POFUT3: variants seen among roughly 807,000 people sequenced by gnomAD.
The protein encoded by POFUT3 is protein O-fucosyltransferase 3.
chr8:33,363,952 G>A, the POFUT3 span, among the ~76,000 whole-genome samples: 6 of 152,118 alleles, frequency 3.9e-5, no homozygotes, highest in African/African-American at 1.4e-4. Context: ...CCAAAGCCTG[G>A]CAGAGACACA....
the POFUT3 span, among the ~76,000 whole-genome samples, chr8:33,309,651 G>A: frequency 6.6e-6 from 1 of 152,006 alleles, no homozygotes. Context: ...TTCAATTTCT[G>A]TTTCTAGGTA....
the POFUT3 span, among the ~76,000 whole-genome samples, chr8:33,342,821 A>C: frequency 4.1e-4 from 63 of 152,188 alleles, 1 homozygote; most frequent in East Asian, 3.7e-3. Context: ...CCTAAAGAAA[A>C]CTGGCCAGGC....
the POFUT3 span, among the ~76,000 whole-genome samples, chr8:33,429,330 T>A: frequency 6.6e-6 from 1 of 152,058 alleles, no homozygotes; most frequent in South Asian, 2.1e-4. Context: ...ATCACCCCTC[T>A]CCCTGCCAAA....
the POFUT3 span, among the ~76,000 whole-genome samples, chr8:33,418,558 CT>C: frequency 3.5e-3 from 532 of 152,110 alleles, 2 homozygotes; most frequent in African/African-American, 0.012. Flanking sequence ...CCACCTCGGC[CT>C]CTCAAAGTGC....
the POFUT3 span, among the ~76,000 whole-genome samples, chr8:33,406,403 A>T: frequency 6.6e-6 from 1 of 151,938 alleles, no homozygotes; most frequent in African/African-American, 2.4e-5. Context: ...GTAAAGACTG[A>T]TTTTCATTTA....
the POFUT3 span, among the ~76,000 whole-genome samples, chr8:33,398,457 A>G: frequency 6.6e-6 from 1 of 152,230 alleles, no homozygotes; most frequent in Non-Finnish European, 1.5e-5. Flanking sequence ...ATCTCCTAAT[A>G]CATCAAAACA....
the POFUT3 span, chr8:33,453,618 T>A: frequency 1.1e-6 from 1 of 909,070 alleles, no homozygotes; most frequent in Non-Finnish European, 1.7e-6. Flanking sequence ...ATTGCTGCTG[T>A]AACAAATTAC....
chr8:33,415,392 T>C, the POFUT3 span, among the ~76,000 whole-genome samples: 140 of 152,260 alleles, frequency 9.2e-4, no homozygotes, highest in African/African-American at 3.2e-3. Flanking sequence ...GAGAAGCTGC[T>C]TTGGAGGAGA....
the POFUT3 span, among the ~76,000 whole-genome samples, chr8:33,469,179 G>A: frequency 6.6e-6 from 1 of 152,080 alleles, no homozygotes. Flanking sequence ...GGTGGTGCGT[G>A]CCTATAGCCC....
the POFUT3 span, among the ~76,000 whole-genome samples, chr8:33,415,761 T>C: frequency 5.3e-5 from 8 of 152,178 alleles, no homozygotes; most frequent in African/African-American, 1.7e-4. Flanking sequence ...CAGGCTTATG[T>C]TACTCAAACA....
the POFUT3 span, among the ~76,000 whole-genome samples, chr8:33,384,085 T>C: frequency 6.6e-6 from 1 of 152,122 alleles, no homozygotes; most frequent in Non-Finnish European, 1.5e-5. Flanking sequence ...GTATCTGATA[T>C]TGATGCACAC....
chr8:33,417,319 A>G, the POFUT3 span, among the ~76,000 whole-genome samples: 1 of 152,188 alleles, frequency 6.6e-6, no homozygotes. Context: ...TCATTATTTC[A>G]TTATATATTA....
chr8:33,388,170 G>A, the POFUT3 span, among the ~76,000 whole-genome samples: 3 of 152,066 alleles, frequency 2.0e-5, no homozygotes, highest in Non-Finnish European at 4.4e-5. Context: ...TTGCCAGAAA[G>A]AGAAAGAGTA....
At chr8:33,375,635 A>C in the POFUT3 span, among the ~76,000 whole-genome samples, 1 of 152,256 alleles carries the variant, frequency 6.6e-6, no homozygotes, top group Non-Finnish European at 1.5e-5. Flanking sequence ...ATAGTGTACT[A>C]CATGGTTTAT....
At chr8:33,353,879 T>G in the POFUT3 span, among the ~76,000 whole-genome samples, 1 of 152,294 alleles carries the variant, frequency 6.6e-6, no homozygotes, top group Admixed American at 6.5e-5. Context: ...AAATCAAAAC[T>G]AAGACTTTGG....
the POFUT3 span, among the ~76,000 whole-genome samples, chr8:33,379,800 C>T: frequency 7.3e-6 from 1 of 136,076 alleles, no homozygotes; most frequent in South Asian, 2.3e-4. Flanking sequence ...CATACCACTG[C>T]ACTCCAGCCT....
At chr8:33,411,800 A>AT in the POFUT3 span, among the ~76,000 whole-genome samples, 18 of 152,340 alleles carry the variant, frequency 1.2e-4, no homozygotes, top group African/African-American at 4.1e-4. Context: ...AAAAAAAATA[A>AT]AAATAAAAAT....
chr8:33,384,663 T>C, the POFUT3 span, among the ~76,000 whole-genome samples: 1 of 151,814 alleles, frequency 6.6e-6, no homozygotes, highest in East Asian at 1.9e-4. Flanking sequence ...CTACTAAAAA[T>C]ATAAAAAATT....
At chr8:33,412,964 A>T in the POFUT3 span, among the ~76,000 whole-genome samples, 3 of 152,140 alleles carry the variant, frequency 2.0e-5, no homozygotes, top group African/African-American at 7.2e-5. Context: ...GCACCAAGGC[A>T]TTGCAGTAAT....
Sources: allele counts gnomAD v4.1 joint callset (sites outside exome capture counted in the v4.1 genomes callset), GRCh38; gene constraint gnomAD v4.1.1; transcripts MANE v1.5; gene names NCBI Gene and HGNC (gene_info 2026-07-23, HGNC 2026-07-21).